ROBO1: variants seen among roughly 807,000 people sequenced by gnomAD.
The protein encoded by ROBO1 is roundabout homolog 1.
Under a neutral mutation model 195.9 loss-of-function variants are expected in ROBO1, and 149 were observed. The observed-to-expected ratio is 0.76, with a 90% confidence interval of 0.67 to 0.87. The LOEUF (loss-of-function observed/expected upper bound fraction) is 0.87, where lower values mean the gene tolerates loss of function less well. Among genes scored for constraint, ROBO1 ranks in the 40% least tolerant of loss-of-function variants. The probability of loss-of-function intolerance (pLI) is 0.00; values close to 1 mark genes in which losing one functional copy is unlikely to be tolerated. For synonymous variants in ROBO1, 816 were observed against 733.2 expected (o/e 1.11, Z -1.82); for missense variants, 1,933 against 2,068.3 (o/e 0.93, Z 1.27).
intron 4 of ROBO1, among the ~76,000 whole-genome samples, chr3:78,823,233 G>A (rs2031205393): frequency 6.8e-6 from 1 of 147,766 alleles, no homozygotes; most frequent in Admixed American, 6.8e-5. Flanking sequence ...CTCTTGGGAT[G>A]CTCTTCATCA....
chr3:78,814,215 C>T (rs2084830543), intron 4 of ROBO1, among the ~76,000 whole-genome samples: 1 of 151,864 alleles, frequency 6.6e-6, no homozygotes. Flanking sequence ...TATCTATGTC[C>T]ACATTGCCCA....
chr3:79,384,369 TAAA>T (rs1193801166), intron 2 of ROBO1, among the ~76,000 whole-genome samples: 1 of 151,916 alleles, frequency 6.6e-6, no homozygotes, highest in African/African-American at 2.4e-5. Flanking sequence ...AATTACATAG[TAAA>T]AATAAACCTG....
chr3:79,175,276 A>G (rs1379088069), intron 2 of ROBO1, among the ~76,000 whole-genome samples: 2 of 152,130 alleles, frequency 1.3e-5, no homozygotes, highest in Non-Finnish European at 2.9e-5. Flanking sequence ...TAATTCAGTT[A>G]GCACCTATTT....
intron 1 of ROBO1, among the ~76,000 whole-genome samples, chr3:79,599,432 G>A (rs956440753): frequency 1.3e-5 from 2 of 151,888 alleles, no homozygotes; most frequent in African/African-American, 4.8e-5. Context: ...ACAGTAAGAC[G>A]GTTGTCAACT....
Position 79,127,930 on chromosome 3 carries a change from T to G in ROBO1, c.89-2391A>C, listed in dbSNP as rs1356323464. Among the ~76,000 whole-genome samples the G allele has an allele frequency of 2.6e-5, 4 of 152,190 alleles. No individual in the cohort carries two copies. In the East Asian group the frequency reaches 7.7e-4, roughly 29 times the overall value. On this transcript the variant is annotated intron_variant, in intron 2 of 30. Transcript: ENST00000464233. Reference sequence around the variant, plus strand: ...TCCATTCAATCTACCTTGTTCTGCCTTTAATTAATGATATGCTAGACCTAA... The same window carrying G: ...TCCATTCAATCTACCTTGTTCTGCCGTTAATTAATGATATGCTAGACCTAA...
At chr3:79,431,227 T>C (rs190799838) in intron 2 of ROBO1, among the ~76,000 whole-genome samples, 2 of 152,262 alleles carry the variant, frequency 1.3e-5, no homozygotes, top group Admixed American at 1.3e-4. Flanking sequence ...TAGTATCATA[T>C]ACAAATGTCT....
chr3:78,876,702 C>A (rs907551839), intron 4 of ROBO1, among the ~76,000 whole-genome samples: 1 of 152,168 alleles, frequency 6.6e-6, no homozygotes, highest in African/African-American at 2.4e-5. Context: ...TCAACGTCAA[C>A]ACGGGAAACA....
chr3:78,722,846 A>C (rs1372339095), intron 5 of ROBO1, among the ~76,000 whole-genome samples: 3 of 152,098 alleles, frequency 2.0e-5, no homozygotes, highest in African/African-American at 7.2e-5. Context: ...TCAACTCTAA[A>C]ATGGGAATCC....
chr3:79,045,997 A>G (rs553215690), intron 3 of ROBO1, among the ~76,000 whole-genome samples: 8 of 152,258 alleles, frequency 5.3e-5, no homozygotes, highest in African/African-American at 1.7e-4. Context: ...GGTAGTCTCT[A>G]AGTTGGCCTT....
chr3:79,401,848 C>T (rs2037379148), intron 2 of ROBO1, among the ~76,000 whole-genome samples: 1 of 151,772 alleles, frequency 6.6e-6, no homozygotes, highest in African/African-American at 2.4e-5. Context: ...GCAAAGACAG[C>T]ACTGAAATTT....
intron 3 of ROBO1, among the ~76,000 whole-genome samples, chr3:79,098,950 G>T (rs1238858602): frequency 6.6e-6 from 1 of 151,416 alleles, no homozygotes; most frequent in Non-Finnish European, 1.5e-5. Context: ...ATTGATAATG[G>T]GTGATCAATG....
At chr3:79,289,460 T>A (rs2032099994) in intron 2 of ROBO1, among the ~76,000 whole-genome samples, 1 of 152,306 alleles carries the variant, frequency 6.6e-6, no homozygotes, top group African/African-American at 2.4e-5. Context: ...CAAAGTAAAC[T>A]TTTAAACCAA....
rs575715919 is a variant in ROBO1 at position 79,421,782 on chromosome 3, AAAAT to A, written c.88+168038_88+168041del. On this transcript the variant is annotated intron_variant, in intron 2 of 30. Transcript: ENST00000464233. ...TGCTGACGGTAAAGCAAGCTCTAAT[AAAAT>A]AAATAAAATGTTAGTGACTAATGTT... Among the ~76,000 whole-genome samples, 40 of 152,252 alleles carry A rather than the reference AAAAT, an allele frequency of 2.6e-4. No individual in the cohort carries two copies. In the East Asian group the frequency reaches 7.5e-3, roughly 29 times the overall value.
chr3:79,166,656 C>T (rs1332400042), intron 2 of ROBO1, among the ~76,000 whole-genome samples: 1 of 151,342 alleles, frequency 6.6e-6, no homozygotes, highest in African/African-American at 2.4e-5. Context: ...AGCTCCGCCT[C>T]CCGGGTTCGC....
intron 4 of ROBO1, among the ~76,000 whole-genome samples, chr3:78,807,179 G>A (rs1426909184): frequency 6.6e-6 from 1 of 152,150 alleles, no homozygotes; most frequent in Non-Finnish European, 1.5e-5. Context: ...TATAAAGGAG[G>A]AATGTACAAG....
intron 3 of ROBO1, among the ~76,000 whole-genome samples, chr3:78,958,418 C>A (rs942653249): frequency 6.6e-6 from 1 of 152,082 alleles, no homozygotes; most frequent in African/African-American, 2.4e-5. Flanking sequence ...TCTTATTTAT[C>A]CATTAGGCTA....
At chr3:79,685,275 G>C (rs531869913) in intron 1 of ROBO1, among the ~76,000 whole-genome samples, 2 of 152,212 alleles carry the variant, frequency 1.3e-5, no homozygotes, top group African/African-American at 4.8e-5. Flanking sequence ...GCTTGTGCAG[G>C]GTTCAAGGCC....
At chr3:78,813,415 T>C (rs1472850020) in intron 4 of ROBO1, among the ~76,000 whole-genome samples, 1 of 152,086 alleles carries the variant, frequency 6.6e-6, no homozygotes, top group African/African-American at 2.4e-5. Flanking sequence ...GATAAATACA[T>C]GTATAAAGAT....
intron 4 of ROBO1, among the ~76,000 whole-genome samples, chr3:78,800,955 T>C (rs2084352052): frequency 6.6e-6 from 1 of 152,150 alleles, no homozygotes. Context: ...ATAGGATAAA[T>C]ACGGATAATC....
Sources: allele counts gnomAD v4.1 joint callset (sites outside exome capture counted in the v4.1 genomes callset), GRCh38; gene constraint gnomAD v4.1.1; transcripts MANE v1.5; gene names NCBI Gene and HGNC (gene_info 2026-07-23, HGNC 2026-07-21).